SRGAP1: variants seen among roughly 807,000 people sequenced by gnomAD.
The protein encoded by SRGAP1 is SLIT-ROBO Rho GTPase activating protein 1, also known as SLIT-ROBO Rho GTPase-activating protein 1.
In SRGAP1, 43 loss-of-function variants were observed where a neutral mutation model predicts 121.9. The ratio of observed to expected loss-of-function variants is 0.35; its 90% CI spans 0.28 to 0.46. The LOEUF (loss-of-function observed/expected upper bound fraction) is 0.46, where lower values mean the gene tolerates loss of function less well. Ranked by LOEUF, SRGAP1 falls within the 20% of genes least tolerant of loss-of-function variation. SRGAP1 has a pLI of 1.00. For synonymous variants in SRGAP1, 447 were observed against 485.4 expected (o/e 0.92, Z 1.04); for missense variants, 1,102 against 1,350.9 (o/e 0.82, Z 2.89).
At chr12:63,873,814 G>C (rs912895904) in intron 1 of SRGAP1, among the ~76,000 whole-genome samples, 3 of 151,756 alleles carry the variant, frequency 2.0e-5, no homozygotes, top group Non-Finnish European at 4.4e-5. Context: ...GACTACAGGT[G>C]CCTGCTATCT....
chr12:64,002,982 G>A (rs1252399331), intron 3 of SRGAP1, among the ~76,000 whole-genome samples: 1 of 148,572 alleles, frequency 6.7e-6, no homozygotes, highest in Non-Finnish European at 1.5e-5. Context: ...ACAGATGTTT[G>A]AATTATCTAA....
At chr12:64,076,951 AAAATT>A (rs1456155227) in intron 8 of SRGAP1, among the ~76,000 whole-genome samples, 2 of 152,178 alleles carry the variant, frequency 1.3e-5, no homozygotes, top group African/African-American at 2.4e-5. Flanking sequence ...CTCAGAAAGA[AAAATT>A]AAAGAATATA....
chr12:64,080,289 C>T lies in SRGAP1; in HGVS notation c.1327C>T (p.Leu443Phe). 3 of 1,603,748 alleles carry T rather than the reference C, an allele frequency of 1.9e-6. No individual in the cohort carries two copies. Among genetic ancestry groups the T allele is most frequent in the Non-Finnish European group, 2.6e-6 (3 of 1,175,626 alleles). ...QETEQFYFMK[L>F]REYLEGSNLI... Reference sequence around the variant, plus strand: ...AAATTATTCTTGCCTTTTGCAGAAACTCAGAGAATATTTGGAAGGCAGTAA... The same window carrying T: ...AAATTATTCTTGCCTTTTGCAGAAATTCAGAGAATATTTGGAAGGCAGTAA... Residue 443 changes from leucine to phenylalanine, a missense_variant, in exon 10 of 22, where the codon CTC becomes TTC. Physicochemically the swap from Leu to Phe is conservative, Grantham distance 22. Transcript: ENST00000355086.
At chr12:63,913,191 C>CTTTTTTTTTTTTTTTTTTTTTTTT (rs1565947652) in intron 1 of SRGAP1, among the ~76,000 whole-genome samples, 1 of 111,810 alleles carries the variant, frequency 8.9e-6, no homozygotes, top group African/African-American at 3.3e-5. Flanking sequence ...CTGGTAAATC[C>CTTTTTTTTTTTTTTTTTTTTTTTT]TTCTTTTTTT....
chr12:63,916,040 T>C (rs1467150178), intron 1 of SRGAP1, among the ~76,000 whole-genome samples: 271 of 147,920 alleles, frequency 1.8e-3, no homozygotes, highest in African/African-American at 6.3e-3. Context: ...TTCTTTTTTT[T>C]TTTTTTTTTT....
At chr12:63,943,602 A>G (rs916863841) in intron 1 of SRGAP1, among the ~76,000 whole-genome samples, 1 of 152,240 alleles carries the variant, frequency 6.6e-6, no homozygotes, top group African/African-American at 2.4e-5. Flanking sequence ...GCTTTTAACA[A>G]CTATTCTATG....
Position 64,113,710 on chromosome 12 carries a change from T to C in SRGAP1, c.2144+1724T>C, listed in dbSNP as rs116111619. Reference sequence around the variant, plus strand: ...CCCCTATTATATCTCAGCTGCTTAGTGCACATGATCTCTTTTATTTAGCAT... The same window carrying C: ...CCCCTATTATATCTCAGCTGCTTAGCGCACATGATCTCTTTTATTTAGCAT... On this transcript the variant is annotated intron_variant, in intron 17 of 21. Coordinates refer to ENST00000355086, the MANE Select transcript of SRGAP1 (RefSeq NM_020762.4). 4.1e-3 allele frequency among the ~76,000 whole-genome samples: 622 copies of C among 152,322 alleles called. 5 individuals are homozygous for C. Among genetic ancestry groups the C allele is most frequent in the African/African-American group, 0.014 (601 of 41,566 alleles).
chr12:64,129,975 G>GGTTGTTGTTGTT (rs57651653), intron 21 of SRGAP1, among the ~76,000 whole-genome samples: 5,475 of 151,190 alleles, frequency 0.036, 166 homozygotes, highest in Admixed American at 0.058. Context: ...AGCAGGTCGT[G>GGTTGTTGTTGTT]GTTGTTGTTG....
chr12:64,098,568 G>T (rs1565680364), intron 15 of SRGAP1, among the ~76,000 whole-genome samples: 1 of 152,090 alleles, frequency 6.6e-6, no homozygotes, highest in East Asian at 1.9e-4. Context: ...TTCTTGGGAG[G>T]CTGAAGCAGG....
intron 1 of SRGAP1, among the ~76,000 whole-genome samples, chr12:63,846,693 G>GGCT (rs1288965343): frequency 6.6e-6 from 1 of 152,092 alleles, no homozygotes; most frequent in Non-Finnish European, 1.5e-5. Flanking sequence ...CGAGTCCCTA[G>GGCT]GCTGCTTTAG....
chr12:63,935,236 T>C (rs2031625052), intron 1 of SRGAP1, among the ~76,000 whole-genome samples: 1 of 152,210 alleles, frequency 6.6e-6, no homozygotes, highest in Admixed American at 6.5e-5. Context: ...GGAATATTTA[T>C]CATGGGCTTT....
intron 1 of SRGAP1, among the ~76,000 whole-genome samples, chr12:63,953,399 ATTT>A (rs34352334): frequency 0.035 from 4,002 of 114,682 alleles, 159 homozygotes; most frequent in African/African-American, 0.12. Flanking sequence ...TTCTTGATTG[ATTT>A]TTTTTTTTTT....
intron 4 of SRGAP1, among the ~76,000 whole-genome samples, chr12:64,028,399 A>C (rs541427132): frequency 6.6e-6 from 1 of 152,388 alleles, no homozygotes; most frequent in Admixed American, 6.5e-5. Flanking sequence ...CCCATAAAAC[A>C]AAAACCATCC....
rs1403190750 is a variant in SRGAP1, at chr12:64,161,411, G to T, written c.*18739G>T. 1 of 151,924 alleles carries T rather than the reference G, an allele frequency of 6.6e-6. No homozygotes were observed. Among genetic ancestry groups the T allele is most frequent in the African/African-American group, 2.4e-5 (1 of 41,366 alleles). The allele number at this position is 151,924 out of a possible 1,614,324, so 9.4% of individuals were successfully genotyped here. On this transcript the variant is annotated 3_prime_UTR_variant, in exon 22 of 22. Transcript: ENST00000355086. ...TATTTGACTTTTTGCTCTATTTTCAGGGAAATATCCTCAACTTTATCTGCT... is the reference window on the plus strand; with the variant it reads ...TATTTGACTTTTTGCTCTATTTTCATGGAAATATCCTCAACTTTATCTGCT...
chr12:63,886,262 A>G (rs1476296853), intron 1 of SRGAP1, among the ~76,000 whole-genome samples: 2 of 152,068 alleles, frequency 1.3e-5, no homozygotes, highest in African/African-American at 2.4e-5. Context: ...GGGTTTAACC[A>G]TGTTGGCCAG....
intron 1 of SRGAP1, among the ~76,000 whole-genome samples, chr12:63,859,181 GTC>G (rs1334523654): frequency 6.6e-6 from 1 of 152,000 alleles, no homozygotes; most frequent in Admixed American, 6.6e-5. Flanking sequence ...AAAGTAGTTT[GTC>G]TTTTTTGAGA....
intron 1 of SRGAP1, among the ~76,000 whole-genome samples, chr12:63,939,249 C>G (rs1197282257): frequency 6.6e-6 from 1 of 151,820 alleles, no homozygotes; most frequent in Admixed American, 6.6e-5. Context: ...AGTATAAGAG[C>G]ACCAATCCCA....
intron 1 of SRGAP1, among the ~76,000 whole-genome samples, chr12:63,903,511 G>T (rs2030039545): frequency 6.6e-6 from 1 of 151,872 alleles, no homozygotes; most frequent in Non-Finnish European, 1.5e-5. Context: ...CTCCCAAAGT[G>T]CTGGGATAAC....
chr12:63,926,911 AAT>A (rs2031282475), intron 1 of SRGAP1, among the ~76,000 whole-genome samples: 1 of 152,132 alleles, frequency 6.6e-6, no homozygotes, highest in African/African-American at 2.4e-5. Flanking sequence ...TTATGATTTA[AAT>A]ATGAGTTGTC....
Sources: allele counts gnomAD v4.1 joint callset (sites outside exome capture counted in the v4.1 genomes callset), GRCh38; gene constraint gnomAD v4.1.1; transcripts MANE v1.5; gene names NCBI Gene and HGNC (gene_info 2026-07-23, HGNC 2026-07-21).